ERO1A: variants seen among roughly 807,000 people sequenced by gnomAD.
ERO1A encodes ERO1-like protein alpha.
Under a neutral mutation model 76.9 loss-of-function variants are expected in ERO1A, and 49 were observed. That is an observed-to-expected ratio of 0.64 (90% CI 0.51 to 0.81). The LOEUF (loss-of-function observed/expected upper bound fraction) is 0.81. ERO1A is among the 30% of genes least tolerant of loss of function. The pLI, the probability that ERO1A is intolerant of heterozygous loss-of-function variation, is 0.00. For missense variants in ERO1A, 448 were observed against 542.1 expected (o/e 0.83, Z 1.72); for synonymous variants, 174 against 181.2 (o/e 0.96, Z 0.32).
At chr14:52,658,656 C>G (rs1314635575) in intron 9 of ERO1A, 2 of 152,614 alleles carry the variant, frequency 1.3e-5, no homozygotes, top group Non-Finnish European at 2.9e-5. Flanking sequence ...CACCAAGTAT[C>G]ACTTATATTC....
intron 8 of ERO1A, 104 bp from the exon 9 acceptor site, chr14:52,661,408 G>A (rs2040229655): frequency 1.2e-6 from 1 of 855,712 alleles, no homozygotes; most frequent in Non-Finnish European, 1.7e-6. Context: ...GTTAGTTTTA[G>A]TCCAACAGTT....
At chr14:52,681,043 A>G (rs2040976194) in intron 3 of ERO1A, among the ~76,000 whole-genome samples, 2 of 151,720 alleles carry the variant, frequency 1.3e-5, no homozygotes, top group Non-Finnish European at 2.9e-5. Context: ...GCTGGTAGGA[A>G]TGTAAAACGG....
At chr14:52,680,588 T>C (rs2040961261) in intron 3 of ERO1A, among the ~76,000 whole-genome samples, 1 of 152,220 alleles carries the variant, frequency 6.6e-6, no homozygotes, top group Non-Finnish European at 1.5e-5. Context: ...GCATCTACCA[T>C]ATTTCAGCAT....
Position 52,652,231 on chromosome 14 carries a change from G to C in ERO1A, c.1125+8C>G, listed in dbSNP as rs199798680. 6.0e-4 allele frequency: 921 copies of C among 1,530,762 alleles called. 1 individual carries two copies. Among genetic ancestry groups the C allele is most frequent in the Non-Finnish European group, 7.9e-4 (871 of 1,104,448 alleles). The allele number at this position is 1,530,762 out of a possible 1,614,324, so 94.8% of individuals were successfully genotyped here. On this transcript the variant is annotated splice_region_variant and intron_variant, in intron 13 of 15. Coordinates refer to ENST00000395686, the MANE Select transcript of ERO1A (RefSeq NM_014584.3). ...TTTGTATCTAACAGTTAAGTATAAA[G>C]TAATTACCTTTAGTTTGTGTGCTTC...
In ERO1A at chr14:52,695,402, G is replaced by A; in HGVS notation, c.80C>T (p.Pro27Leu). Residue 27 changes from proline (P) to leucine (L), a missense_variant, in exon 1 of 16, where the codon CCC becomes CTC. By Grantham distance (98) the Pro-to-Leu change is moderately conservative. Transcript: ENST00000395686. ...GCACCTCTGTGCCGCTGTCTCCGGG[G>A]GCTGCTCCTCTCCGTGGCCCGAGCT... ...LLSSGHGEEQPPETAAQRCFC... is the reference protein window; with the variant it reads ...LLSSGHGEEQLPETAAQRCFC... 6.5e-7 allele frequency: 1 copy of A among 1,539,628 alleles called. No homozygotes were observed. The highest frequency in any genetic ancestry group is 1.9e-5 in the Admixed American group (1 of 51,592).
chr14:52,665,024 G>A (rs1340347470), intron 7 of ERO1A, among the ~76,000 whole-genome samples: 1 of 150,584 alleles, frequency 6.6e-6, no homozygotes, highest in Non-Finnish European at 1.5e-5. Context: ...CCAGCACTTT[G>A]GGCATGGTGG....
chr14:52,656,992 C>T (rs1027462700), intron 11 of ERO1A, among the ~76,000 whole-genome samples: 1 of 152,054 alleles, frequency 6.6e-6, no homozygotes, highest in Non-Finnish European at 1.5e-5. Context: ...GGACTCAGGA[C>T]ACTGGACCAA....
In ERO1A at chr14:52,653,052, T is replaced by C. The variant is rs1205907914; in HGVS notation, c.1055+17A>G. Reference sequence around the variant, plus strand: ...GTCACTCTTCTATTAATGTATAAAGTTTAATATATAATTTACTTGATTTCA... The same window carrying C: ...GTCACTCTTCTATTAATGTATAAAGCTTAATATATAATTTACTTGATTTCA... On this transcript the variant is annotated intron_variant, in intron 12 of 15. Transcript: ENST00000395686. 2 of 1,466,264 alleles carry C rather than the reference T, an allele frequency of 1.4e-6. No individual in the cohort carries two copies. The highest frequency in any genetic ancestry group is 1.9e-6 in the Non-Finnish European group (2 of 1,059,160). 90.8% of individuals were successfully genotyped at this position (1,466,264 alleles called of 1,614,324 possible). A position where few individuals can be genotyped will look rare whatever the true frequency, so the allele number is the denominator to read the frequency against.
At chr14:52,685,455 T>C (rs777743851) in intron 1 of ERO1A, among the ~76,000 whole-genome samples, 2 of 152,228 alleles carry the variant, frequency 1.3e-5, no homozygotes, top group African/African-American at 2.4e-5. Flanking sequence ...CTAACCTAAA[T>C]GATATGATTT....
intron 12 of ERO1A, 120 bp downstream of exon 12, chr14:52,652,949 C>T (rs1183560585): frequency 3.3e-5 from 22 of 657,328 alleles, no homozygotes; most frequent in Non-Finnish European, 5.1e-5. Flanking sequence ...GAGCCATGAC[C>T]GTGCCACTGC....
intron 4 of ERO1A, among the ~76,000 whole-genome samples, chr14:52,677,435 C>A (rs1042758899): frequency 2.6e-5 from 4 of 152,084 alleles, no homozygotes; most frequent in Non-Finnish European, 4.4e-5. Flanking sequence ...TAGTACTACT[C>A]AAAAACACCT....
chr14:52,688,911 T>C (rs911166518), intron 1 of ERO1A, among the ~76,000 whole-genome samples: 5 of 152,364 alleles, frequency 3.3e-5, no homozygotes, highest in African/African-American at 9.6e-5. Context: ...TTATTATACA[T>C]TACCATTTTA....
intron 4 of ERO1A, among the ~76,000 whole-genome samples, chr14:52,678,095 G>A (rs2040862986): frequency 2.0e-5 from 3 of 151,956 alleles, no homozygotes; most frequent in East Asian, 1.9e-4. Flanking sequence ...GAGAAAACCC[G>A]TCTCTACTAA....
At position 52,657,908 on chromosome 14, in the gene ERO1A, G is replaced by A; in HGVS notation, c.808+9C>T. On this transcript the variant is annotated intron_variant, in intron 11 of 15. Coordinates refer to ENST00000395686, the MANE Select transcript of ERO1A (RefSeq NM_014584.3). Reference sequence around the variant, plus strand: ...AGTGGTAGACTGAATAAAAGTAAATGTCACATACCTTGTAAAAGATATCTT... The same window carrying A: ...AGTGGTAGACTGAATAAAAGTAAATATCACATACCTTGTAAAAGATATCTT... 6.3e-7 allele frequency: 1 copy of A among 1,576,446 alleles called. No individual in the cohort carries two copies. The highest frequency in any genetic ancestry group is 1.2e-5 in the South Asian group (1 of 86,782).
chr14:52,657,916 C>T lies in ERO1A; in HGVS notation c.808+1G>A. The T allele has an allele frequency of 1.3e-6, 2 of 1,593,350 alleles. No homozygotes were observed. Among genetic ancestry groups the T allele is most frequent in the Non-Finnish European group, 1.7e-6 (2 of 1,166,584 alleles). ...ACTGAATAAAAGTAAATGTCACATA[C>T]CTTGTAAAAGATATCTTGCACTCAA... On this transcript the variant is annotated splice_donor_variant, in intron 11 of 15. Transcript: ENST00000395686. LOFTEE classifies it high-confidence loss of function.
chr14:52,694,295 T>A (rs752875346), intron 1 of ERO1A, among the ~76,000 whole-genome samples: 19 of 152,202 alleles, frequency 1.2e-4, no homozygotes, highest in Non-Finnish European at 2.5e-4. Flanking sequence ...GTCTCAGTTG[T>A]AAAGTAGCAA....
chr14:52,694,168 T>C (rs1043624048), intron 1 of ERO1A, among the ~76,000 whole-genome samples: 1 of 152,218 alleles, frequency 6.6e-6, no homozygotes, highest in African/African-American at 2.4e-5. Flanking sequence ...TCTTATTTTT[T>C]AAATGTTTAA....
At chr14:52,678,097 C>T (rs374543065) in intron 4 of ERO1A, among the ~76,000 whole-genome samples, 5 of 152,064 alleles carry the variant, frequency 3.3e-5, no homozygotes, top group African/African-American at 1.2e-4. Context: ...GAAAACCCGT[C>T]TCTACTAAAA....
chr14:52,647,330 C>T (rs1203163055), intron 13 of ERO1A, among the ~76,000 whole-genome samples: 1 of 151,374 alleles, frequency 6.6e-6, no homozygotes, highest in Non-Finnish European at 1.5e-5. Context: ...AACCACAGCC[C>T]TTCTTTCTGG....
Sources: gnomAD v4.1 joint callset for allele counts (sites outside exome capture counted in the v4.1 genomes callset) on GRCh38, gnomAD v4.1.1 for gene constraint, MANE v1.5 for transcripts, NCBI Gene and HGNC (gene_info 2026-07-23, HGNC 2026-07-21) for gene names.